Variants in MPPED2 observed in about 807,000 individuals in gnomAD.
The protein encoded by MPPED2 is metallophosphoesterase domain containing 2, also known as metallophosphoesterase MPPED2.
Under a neutral mutation model 33.0 loss-of-function variants are expected in MPPED2, and 5 were observed. That is an observed-to-expected ratio of 0.15 (90% confidence interval 0.08 to 0.32). The LOEUF (loss-of-function observed/expected upper bound fraction) is 0.32, where lower values mean the gene tolerates loss of function less well. Ranked by LOEUF, MPPED2 falls within the 10% of genes least tolerant of loss-of-function variation. MPPED2 has a pLI of 1.00. For missense variants in MPPED2, 275 were observed against 372.1 expected, an observed-to-expected ratio of 0.74 and a Z score of 2.15; for synonymous variants, 136 against 141.9, an observed-to-expected ratio of 0.96 and a Z score of 0.29.
chr11:30,452,410 C>T (rs2133955435), intron 4 of MPPED2, among the ~76,000 whole-genome samples: 1 of 152,362 alleles, frequency 6.6e-6, no homozygotes, highest in African/African-American at 2.4e-5. Flanking sequence ...TCCATTCCCA[C>T]AGCACTCTGA....
At chr11:30,503,524 G>T (rs950653793) in intron 3 of MPPED2, among the ~76,000 whole-genome samples, 3 of 151,942 alleles carry the variant, frequency 2.0e-5, no homozygotes, top group Admixed American at 1.3e-4. Context: ...TTTAAAATCA[G>T]AGATCTGGTC....
At chr11:30,498,327 G>T (rs185724018) in intron 3 of MPPED2, among the ~76,000 whole-genome samples, 1 of 151,972 alleles carries the variant, frequency 6.6e-6, no homozygotes, top group Non-Finnish European at 1.5e-5. Context: ...GCTCACACCC[G>T]GAATCCCAGC....
At position 30,415,306 on chromosome 11, in the gene MPPED2, A is replaced by G. The variant is rs1948296478; in HGVS notation, c.653-965T>C. Among the ~76,000 whole-genome samples, 5 of 152,212 alleles carry G rather than the reference A, an allele frequency of 3.3e-5. No homozygotes were observed. The South Asian group carries it at 1.0e-3, about 31-fold the overall frequency. On this transcript the variant is annotated intron_variant, in intron 5 of 6. Coordinates refer to ENST00000358117, the MANE Select transcript of MPPED2 (RefSeq NM_001584.3). ...GAAAATAGATGAAAGTGGGGTCCCC[A>G]GCAAAAATCTATCCAGCGTTTTCAA...
intron 2 of MPPED2, among the ~76,000 whole-genome samples, chr11:30,576,046 A>C (rs1956916632): frequency 6.6e-6 from 1 of 152,248 alleles, no homozygotes. Flanking sequence ...CAATGAAAAA[A>C]TTATTAATGA....
exon 7 of MPPED2, chr11:30,386,007 G>A (rs1418428290): frequency 1.3e-5 from 2 of 152,098 alleles, no homozygotes; most frequent in Non-Finnish European, 2.9e-5. Flanking sequence ...GAGTTGTAGA[G>A]GGGCCAGGAC....
chr11:30,410,371 C>G lies in MPPED2; in HGVS notation c.*1097G>C. ...CTCAACAGCATTTACAATGGGAAAACAGAAATGACTATTAGCGACAATATT... is the reference window on the plus strand; with the variant it reads ...CTCAACAGCATTTACAATGGGAAAAGAGAAATGACTATTAGCGACAATATT... On this transcript the variant is annotated 3_prime_UTR_variant, in exon 7 of 7. Coordinates refer to ENST00000358117, the MANE Select transcript of MPPED2 (RefSeq NM_001584.3). 2 of 985,706 alleles carry G rather than the reference C, an allele frequency of 2.0e-6. No homozygotes were observed. The highest frequency in any genetic ancestry group is 2.4e-6 in the Non-Finnish European group (2 of 829,866). The allele number at this position is 985,706 out of a possible 1,614,324, so 61.1% of individuals were successfully genotyped here.
chr11:30,526,041 A>G (rs2134410166), intron 3 of MPPED2, among the ~76,000 whole-genome samples: 1 of 152,306 alleles, frequency 6.6e-6, no homozygotes. Flanking sequence ...TGTTATCAAA[A>G]TTGAACTACA....
At chr11:30,525,726 G>T (rs1954129739) in intron 3 of MPPED2, among the ~76,000 whole-genome samples, 1 of 152,066 alleles carries the variant, frequency 6.6e-6, no homozygotes, top group African/African-American at 2.4e-5. Context: ...AATACTATCT[G>T]CCCATATCAA....
intron 3 of MPPED2, among the ~76,000 whole-genome samples, chr11:30,503,247 C>G (rs1253302163): frequency 6.6e-6 from 1 of 152,028 alleles, no homozygotes; most frequent in African/African-American, 2.4e-5. Context: ...GTAGGCTTCC[C>G]CTTCCGCCAT....
chr11:30,586,914 C>G (rs77789929), upstream of MPPED2: 7 of 135,872 alleles, frequency 5.2e-5, no homozygotes, highest in East Asian at 9.0e-4. The surrounding 1 kb of genome is among the most constrained non-coding windows in gnomAD (Gnocchi z 4.8). Context: ...TTTCCCCAAG[C>G]CTTTCAACAC....
chr11:30,421,701 G>C (rs11605215), intron 4 of MPPED2, among the ~76,000 whole-genome samples: 1 of 151,998 alleles, frequency 6.6e-6, no homozygotes, highest in Non-Finnish European at 1.5e-5. Context: ...CCAAAGCCTG[G>C]GTTCTTCCCT....
At chr11:30,496,455 T>G (rs963590939) in intron 3 of MPPED2, among the ~76,000 whole-genome samples, 4 of 152,186 alleles carry the variant, frequency 2.6e-5, no homozygotes, top group Non-Finnish European at 5.9e-5. Flanking sequence ...CCCTCAAGCC[T>G]CACTGTTCAT....
chr11:30,484,209 T>G (rs1038361152), intron 4 of MPPED2, among the ~76,000 whole-genome samples: 7 of 152,142 alleles, frequency 4.6e-5, no homozygotes, highest in Non-Finnish European at 8.8e-5. Flanking sequence ...CACTGGCACC[T>G]TCAGATGCTG....
At chr11:30,535,555 G>T (rs966075443) in intron 3 of MPPED2, among the ~76,000 whole-genome samples, 4 of 152,050 alleles carry the variant, frequency 2.6e-5, no homozygotes, top group Non-Finnish European at 5.9e-5. Context: ...TAGGAATTTT[G>T]TTTCATATAA....
chr11:30,427,309 A>T (rs1948883299), intron 4 of MPPED2, among the ~76,000 whole-genome samples: 1 of 152,196 alleles, frequency 6.6e-6, no homozygotes, highest in Non-Finnish European at 1.5e-5. Flanking sequence ...ATTACGTTTG[A>T]TTTCATTTAC....
chr11:30,539,525 C>T (rs778394712), intron 2 of MPPED2, among the ~76,000 whole-genome samples: 5 of 152,154 alleles, frequency 3.3e-5, no homozygotes, highest in African/African-American at 4.8e-5. Flanking sequence ...TGGGGCATCT[C>T]GTTCAATGTT....
downstream of MPPED2, chr11:30,410,163 T>A (rs1236320180): frequency 1.0e-6 from 1 of 985,362 alleles, no homozygotes; most frequent in East Asian, 1.1e-4. Context: ...TATGAATAAA[T>A]CCCTCCTTCC....
intron 1 of MPPED2, among the ~76,000 whole-genome samples, chr11:30,582,539 T>C (rs182659729): frequency 6.6e-6 from 1 of 152,218 alleles, no homozygotes; most frequent in Admixed American, 6.5e-5. Context: ...ACTAGAAAGA[T>C]TTTAAATGTT....
intron 1 of MPPED2, among the ~76,000 whole-genome samples, chr11:30,583,134 CTT>C (rs199611856): frequency 9.1e-4 from 88 of 96,664 alleles, no homozygotes; most frequent in African/African-American, 3.5e-3. Context: ...AAGACTTTTT[CTT>C]TTTTTTTTTT....
Sources: gnomAD v4.1 joint callset for allele counts (sites outside exome capture counted in the v4.1 genomes callset) on GRCh38, gnomAD v4.1.1 for gene constraint, Gnocchi (gnomAD v3.1) non-coding constraint, MANE v1.5 for transcripts, NCBI Gene and HGNC (gene_info 2026-07-23, HGNC 2026-07-21) for gene names.